The following MTUS1 variants were observed in gnomAD, a reference collection of about 807,000 sequenced individuals.
The protein encoded by MTUS1 is microtubule associated scaffold protein 1.
Under a neutral mutation model 120.8 loss-of-function variants are expected in MTUS1, and 109 were observed. The ratio of observed to expected loss-of-function variants is 0.90; its 90% CI spans 0.77 to 1.06. MTUS1 has a LOEUF of 1.06. Among genes scored for constraint, MTUS1 ranks in the 50% least tolerant of loss-of-function variants. The pLI is 0.00. For synonymous variants in MTUS1, 737 were observed against 550.5 expected (o/e 1.34, Z -4.74); for missense variants, 2,210 against 1,486.3 (o/e 1.49, Z -8.01).
rs774888240 is a variant in MTUS1 at position 17,715,797 on chromosome 8, G to A, written c.2554C>T (p.His852Tyr). ...FYLKPLVSRA[H>Y]VHLMKTPPKG... ...GGAGGAGTTTTCATCAAGTGAACAT[G>A]AGCCCTGGATACCAAAGGCTTCAAA... is the stretch of plus-strand genomic sequence containing the variant. The change falls in exon 5 of 15, where the codon CAT (histidine) becomes TAT (tyrosine). Residue 852 changes from histidine to tyrosine, a missense_variant. His to Tyr is a moderately conservative substitution (Grantham distance 83). Coordinates refer to ENST00000693296, the MANE Select transcript of MTUS1 (RefSeq NM_001363059.2). 6.2e-6 allele frequency: 10 copies of A among 1,613,574 alleles called. No homozygotes were observed. Among genetic ancestry groups the A allele is most frequent in the Non-Finnish European group, 7.6e-6 (9 of 1,179,922 alleles).
intron 1 of MTUS1, among the ~76,000 whole-genome samples, chr8:17,772,535 T>C (rs1476228974): frequency 6.6e-6 from 1 of 152,204 alleles, no homozygotes; most frequent in Non-Finnish European, 1.5e-5. Flanking sequence ...ACTGATGTCA[T>C]ACCAAGGAAG....
At chr8:17,724,193 A>AC (rs751130762) in intron 3 of MTUS1, 19 of 441,574 alleles carry the variant, frequency 4.3e-5, no homozygotes, top group Admixed American at 8.0e-5. Context: ...AATTGATACG[A>AC]CCCCCCATAC....
intron 7 of MTUS1, among the ~76,000 whole-genome samples, chr8:17,677,859 T>C (rs1813439529): frequency 1.3e-5 from 2 of 152,316 alleles, no homozygotes; most frequent in South Asian, 4.1e-4. Context: ...CCCTTCTAAA[T>C]TGGTTGGTAA....
intron 6 of MTUS1, among the ~76,000 whole-genome samples, chr8:17,685,948 TGAAG>T (rs1364794672): frequency 2.0e-5 from 3 of 152,198 alleles, no homozygotes; most frequent in African/African-American, 7.2e-5. Flanking sequence ...ATTACAGCCC[TGAAG>T]GAAGAACAAA....
chr8:17,647,314 G>C, intron 13 of MTUS1: 1 of 420,720 alleles, frequency 2.4e-6, no homozygotes, highest in Non-Finnish European at 4.2e-6. Flanking sequence ...TGATACGAGT[G>C]GGTAACAGAT....
In MTUS1 at chr8:17,703,628, C is replaced by CAAAA. The variant is rs140018758; in HGVS notation, c.2623+9582_2623+9585dup. The stretch of plus-strand genomic sequence containing the variant: ...TGGGTGACAGAGCCAGACTCTGTCT[C>CAAAA]AAAAAAAAAAAAAAAAGGACTGAGA... On this transcript the variant is annotated intron_variant, in intron 6 of 14. Coordinates refer to ENST00000693296, the MANE Select transcript of MTUS1 (RefSeq NM_001363059.2). Among the ~76,000 whole-genome samples, 225 of 115,128 alleles carry CAAAA rather than the reference C, an allele frequency of 2.0e-3. 1 individual carries two copies. The highest frequency in any genetic ancestry group is 0.011 in the Middle Eastern group (2 of 190). 75.5% of individuals were successfully genotyped at this position (115,128 alleles called of 152,430 possible).
chr8:17,751,218 G>C (rs762439198), intron 2 of MTUS1, among the ~76,000 whole-genome samples: 2 of 152,148 alleles, frequency 1.3e-5, no homozygotes, highest in Non-Finnish European at 2.9e-5. Flanking sequence ...AGAAATGCGT[G>C]AACCTGGGAG....
intron 1 of MTUS1, among the ~76,000 whole-genome samples, chr8:17,768,621 AT>A (rs1334175725): frequency 4.6e-5 from 7 of 152,172 alleles, no homozygotes; most frequent in Non-Finnish European, 7.3e-5. Flanking sequence ...TGTATTTAAA[AT>A]ATCTTTAAGA....
chr8:17,684,395 T>A lies in MTUS1; in HGVS notation c.2771A>T (p.Gln924Leu), dbSNP rs368209779. The A allele has an allele frequency of 1.9e-6, 3 of 1,614,102 alleles. No individual in the cohort carries two copies. The African/African-American group carries it at 4.0e-5, about 22-fold the overall frequency. Residue 924 changes from glutamine to leucine, a missense_variant, in exon 7 of 15, where the codon CAG becomes CTG. Coordinates refer to ENST00000693296, the MANE Select transcript of MTUS1 (RefSeq NM_001363059.2). ...NQSGFILQLK[Q>L]LLACGNTKFE... Reference sequence around the variant, plus strand: ...CTTGGTATTACCACAGGCAAGAAGCTGCTTGAGCTGCAGGATAAATCCACT... The same window carrying A: ...CTTGGTATTACCACAGGCAAGAAGCAGCTTGAGCTGCAGGATAAATCCACT...
intron 8 of MTUS1, among the ~76,000 whole-genome samples, chr8:17,662,061 G>A (rs1178340481): frequency 1.3e-5 from 2 of 152,142 alleles, no homozygotes; most frequent in South Asian, 2.1e-4. Context: ...GTGTGTGGCG[G>A]TGGGGGGCGT....
chr8:17,792,041 G>T (rs1444177556), intron 1 of MTUS1, among the ~76,000 whole-genome samples: 1 of 152,106 alleles, frequency 6.6e-6, no homozygotes, highest in Non-Finnish European at 1.5e-5. Context: ...TCTCAGACAT[G>T]AACCCAATTT....
chr8:17,739,121 C>A (rs138700119), intron 3 of MTUS1, among the ~76,000 whole-genome samples: 18 of 152,020 alleles, frequency 1.2e-4, no homozygotes, highest in African/African-American at 3.9e-4. Context: ...CCGGCCTGGA[C>A]GACAGAGTGA....
chr8:17,712,634 C>G (rs1821552124), intron 6 of MTUS1, among the ~76,000 whole-genome samples: 1 of 152,108 alleles, frequency 6.6e-6, no homozygotes, highest in South Asian at 2.1e-4. Context: ...CCACTGGGCC[C>G]AGCCTATCTG....
intron 6 of MTUS1, chr8:17,697,113 T>G: frequency 9.4e-7 from 1 of 1,065,138 alleles, no homozygotes; most frequent in Non-Finnish European, 1.3e-6. Flanking sequence ...CAGAAAACAA[T>G]TTTTAAATTA....
At chr8:17,736,489 G>T (rs1415107045) in intron 3 of MTUS1, among the ~76,000 whole-genome samples, 3 of 152,088 alleles carry the variant, frequency 2.0e-5, no homozygotes, top group Non-Finnish European at 2.9e-5. Context: ...TTCCTTTCAG[G>T]TGTTTGCCCA....
At chr8:17,680,340 C>T (rs748762318) in intron 7 of MTUS1, among the ~76,000 whole-genome samples, 4 of 151,608 alleles carry the variant, frequency 2.6e-5, no homozygotes, top group Non-Finnish European at 1.5e-5. Flanking sequence ...GGTGGGCATC[C>T]GTAATCCCAG....
At chr8:17,756,023 G>C in intron 1 of MTUS1, 62 bp from the exon 2 acceptor site, 1 of 1,037,094 alleles carries the variant, frequency 9.6e-7, no homozygotes. Context: ...CCACCCCTTG[G>C]TTTCAATCAC....
chr8:17,719,116 G>A (rs922675093), intron 4 of MTUS1, among the ~76,000 whole-genome samples: 2 of 152,000 alleles, frequency 1.3e-5, no homozygotes, highest in Admixed American at 1.3e-4. Flanking sequence ...GTTGCAGTGA[G>A]CCGAGATCGT....
intron 8 of MTUS1, among the ~76,000 whole-genome samples, chr8:17,673,293 C>CT (rs144811431): frequency 0.042 from 6,445 of 152,252 alleles, 452 homozygotes; most frequent in African/African-American, 0.14. Flanking sequence ...CTTTGGGATT[C>CT]TGAAGTTTCC....
Sources: allele counts gnomAD v4.1 joint callset (sites outside exome capture counted in the v4.1 genomes callset), GRCh38; gene constraint gnomAD v4.1.1; transcripts MANE v1.5; gene names NCBI Gene and HGNC (gene_info 2026-07-23, HGNC 2026-07-21).